Variants in PTPRD observed in about 807,000 individuals in gnomAD.
PTPRD encodes the protein receptor-type tyrosine-protein phosphatase delta.
A neutral mutation model predicts 214.5 loss-of-function variants in PTPRD; 34 were observed. That is an observed-to-expected ratio of 0.16 (90% CI 0.12 to 0.21). The LOEUF is 0.21. Among genes scored for constraint, PTPRD ranks in the 10% least tolerant of loss-of-function variants. PTPRD has a pLI of 1.00. For missense variants in PTPRD, 2,545 were observed against 2,398.7 expected (o/e 1.06, Z -1.27); for synonymous variants, 1,128 against 845.7 (o/e 1.33, Z -5.79).
intron 9 of PTPRD, among the ~76,000 whole-genome samples, chr9:9,378,174 C>T (rs538126650): frequency 2.0e-5 from 3 of 152,004 alleles, no homozygotes; most frequent in Middle Eastern, 3.2e-3. Context: ...ACCCCAAAAT[C>T]CTCTATGCCC....
rs1297651018 is a variant in PTPRD at position 10,313,168 on chromosome 9, TA to T, written c.-545+27794del. Among the ~76,000 whole-genome samples, 5 of 152,002 alleles carry T rather than the reference TA, an allele frequency of 3.3e-5. No homozygotes were observed. In the East Asian group the frequency reaches 9.7e-4, roughly 29 times the overall value. On this transcript the variant is annotated intron_variant, in intron 3 of 45. Coordinates refer to ENST00000381196, the MANE Select transcript of PTPRD (RefSeq NM_002839.4). ...AAAGAAATGCTGAAAGGAGCCTACA[TA>T]AGAGCATAACTTCCACCATTTGACA... is the stretch of plus-strand genomic sequence containing the variant.
intron 39 of PTPRD, among the ~76,000 whole-genome samples, chr9:8,368,162 C>T (rs1309173072): frequency 1.3e-5 from 2 of 152,094 alleles, no homozygotes; most frequent in South Asian, 2.1e-4. Flanking sequence ...TGGAAAATGG[C>T]AGTATAATAT....
intron 8 of PTPRD, among the ~76,000 whole-genome samples, chr9:9,572,565 ATATATATATATATATGTG>A (rs2086811171): frequency 2.9e-5 from 2 of 68,424 alleles, no homozygotes; most frequent in South Asian, 5.9e-4. Context: ...ATATATGTAT[ATATATATATATATATGTG>A]TATATATATG....
chr9:10,525,330 G>A (rs1177941888), intron 2 of PTPRD, among the ~76,000 whole-genome samples: 2 of 151,996 alleles, frequency 1.3e-5, no homozygotes, highest in Non-Finnish European at 2.9e-5. Context: ...TGAACAGGAT[G>A]CCACAATGCA....
intron 7 of PTPRD, among the ~76,000 whole-genome samples, chr9:9,667,967 A>G (rs10739195): frequency 0.38 from 57,385 of 151,986 alleles, 11,349 homozygotes; most frequent in Admixed American, 0.51. Context: ...TGCAAAGATT[A>G]TTGGAACAAC....
intron 7 of PTPRD, among the ~76,000 whole-genome samples, chr9:9,587,478 A>C (rs1177043805): frequency 6.6e-6 from 1 of 152,082 alleles, no homozygotes; most frequent in Admixed American, 6.6e-5. Flanking sequence ...TGCTGTTAGA[A>C]CTATTAATAG....
chr9:9,353,216 A>G (rs558129539), intron 9 of PTPRD, among the ~76,000 whole-genome samples: 1 of 151,990 alleles, frequency 6.6e-6, no homozygotes, highest in Non-Finnish European at 1.5e-5. Flanking sequence ...AAAGTGCCAA[A>G]ATATTTTAAT....
At chr9:9,333,830 A>G (rs2043329562) in intron 9 of PTPRD, among the ~76,000 whole-genome samples, 1 of 151,962 alleles carries the variant, frequency 6.6e-6, no homozygotes, top group African/African-American at 2.4e-5. Context: ...AAGTAAAATT[A>G]TTAGGAAATT....
At chr9:8,823,183 C>G (rs186438917) in intron 11 of PTPRD, among the ~76,000 whole-genome samples, 2 of 152,222 alleles carry the variant, frequency 1.3e-5, no homozygotes, top group South Asian at 2.1e-4. Flanking sequence ...TGGGCCTGTT[C>G]TTTCTCAGGC....
chr9:9,014,199 GTT>G (rs1234640194), intron 11 of PTPRD, among the ~76,000 whole-genome samples: 12 of 127,962 alleles, frequency 9.4e-5, no homozygotes, highest in African/African-American at 2.3e-4. Context: ...TTGTTTGTTT[GTT>G]TTTTTTTTTT....
chr9:10,081,864 A>T (rs941530328), intron 3 of PTPRD, among the ~76,000 whole-genome samples: 5 of 152,004 alleles, frequency 3.3e-5, no homozygotes. Context: ...TAATCATTTG[A>T]TTACGGTATG....
At chr9:9,439,443 A>T (rs564220847) in intron 8 of PTPRD, among the ~76,000 whole-genome samples, 1 of 152,324 alleles carries the variant, frequency 6.6e-6, no homozygotes, top group Admixed American at 6.5e-5. Context: ...ATAATGTGAT[A>T]AACTATTGGG....
chr9:9,764,978 T>C (rs1283653349), intron 6 of PTPRD, among the ~76,000 whole-genome samples: 1 of 152,134 alleles, frequency 6.6e-6, no homozygotes, highest in Non-Finnish European at 1.5e-5. Context: ...TTATTTGCAT[T>C]GTGCTATGTT....
intron 19 of PTPRD, 51 bp downstream of exon 19, chr9:8,523,462 G>A (rs768121314): frequency 1.9e-6 from 3 of 1,586,218 alleles, no homozygotes; most frequent in East Asian, 2.2e-5. Context: ...CTTTGTTATT[G>A]GTTTAATTAA....
intron 7 of PTPRD, among the ~76,000 whole-genome samples, chr9:9,647,650 G>C (rs957384401): frequency 6.6e-6 from 1 of 152,092 alleles, no homozygotes; most frequent in Non-Finnish European, 1.5e-5. Flanking sequence ...CTTTGACTCA[G>C]TGCCAAGGTC....
At chr9:8,619,514 A>G (rs1312503413) in intron 14 of PTPRD, among the ~76,000 whole-genome samples, 2 of 152,008 alleles carry the variant, frequency 1.3e-5, no homozygotes, top group East Asian at 1.9e-4. Context: ...AGGTATAACA[A>G]CCAAATGCAT....
chr9:10,134,300 C>G (rs2098925740), intron 3 of PTPRD, among the ~76,000 whole-genome samples: 1 of 152,138 alleles, frequency 6.6e-6, no homozygotes, highest in Non-Finnish European at 1.5e-5. Context: ...TGACAGGTCC[C>G]TCATTGGGGT....
intron 11 of PTPRD, among the ~76,000 whole-genome samples, chr9:8,762,996 T>C (rs1738352644): frequency 6.6e-6 from 1 of 152,026 alleles, no homozygotes; most frequent in African/African-American, 2.4e-5. Context: ...ATCCAATGAG[T>C]CTCTGTAGTT....
intron 11 of PTPRD, among the ~76,000 whole-genome samples, chr9:8,753,960 C>T (rs188388819): frequency 2.6e-5 from 4 of 151,968 alleles, no homozygotes; most frequent in East Asian, 1.9e-4. Flanking sequence ...GCCAAGCCAA[C>T]GTGGAGAAAC....
Sources: allele counts gnomAD v4.1 joint callset (sites outside exome capture counted in the v4.1 genomes callset), GRCh38; gene constraint gnomAD v4.1.1; transcripts MANE v1.5; gene names NCBI Gene and HGNC (gene_info 2026-07-23, HGNC 2026-07-21).